Variants in MIA2 observed in about 807,000 individuals in gnomAD.
The protein encoded by MIA2 is MIA SH3 domain ER export factor 2.
Under a neutral mutation model 167.8 loss-of-function variants are expected in MIA2, and 127 were observed. That is an observed-to-expected ratio of 0.76 (90% CI 0.66 to 0.88). MIA2 has a LOEUF of 0.88. MIA2 is among the 40% of genes least tolerant of loss of function. MIA2 has a pLI of 0.00. For synonymous variants in MIA2, 552 were observed against 541.9 expected, an observed-to-expected ratio of 1.02 and a Z score of -0.26; for missense variants, 1,690 against 1,624.7, an observed-to-expected ratio of 1.04 and a Z score of -0.69.
intron 16 of MIA2, among the ~76,000 whole-genome samples, chr14:39,304,080 C>G (rs942370954): frequency 3.9e-5 from 6 of 152,020 alleles, no homozygotes; most frequent in African/African-American, 1.4e-4. Context: ...TTCCCTGTCC[C>G]TTGTTCTGAG....
At chr14:39,255,206 G>A (rs537579870) in intron 6 of MIA2, among the ~76,000 whole-genome samples, 1 of 152,152 alleles carries the variant, frequency 6.6e-6, no homozygotes, top group South Asian at 2.1e-4. Flanking sequence ...ATTATAAAAC[G>A]TTCATTAGGC....
chr14:39,314,459 A>G (rs913478041), intron 19 of MIA2, among the ~76,000 whole-genome samples: 1 of 151,944 alleles, frequency 6.6e-6, no homozygotes, highest in East Asian at 1.9e-4. Context: ...AAAAAAAACA[A>G]CACAATATAC....
chr14:39,367,950 A>T (rs1487115314), intron 23 of MIA2, among the ~76,000 whole-genome samples: 2 of 151,954 alleles, frequency 1.3e-5, no homozygotes, highest in African/African-American at 2.4e-5. Flanking sequence ...ATTATCTTTT[A>T]ATGTTGTTGG....
intron 21 of MIA2, 109 bp downstream of exon 21, chr14:39,315,827 A>T: frequency 1.4e-6 from 1 of 729,382 alleles, no homozygotes; most frequent in Non-Finnish European, 2.2e-6. Flanking sequence ...CTAAAAAATC[A>T]GTTTCTTTTA....
intron 6 of MIA2, among the ~76,000 whole-genome samples, chr14:39,260,058 A>G (rs1594727869): frequency 6.6e-6 from 1 of 152,120 alleles, no homozygotes; most frequent in African/African-American, 2.4e-5. Context: ...TTATGGCTGC[A>G]TAGTATTCCA....
At chr14:39,315,397 G>A (rs565667740) in intron 20 of MIA2, 8 of 281,298 alleles carry the variant, frequency 2.8e-5, no homozygotes, top group African/African-American at 1.8e-4. Context: ...CAACAGTGGG[G>A]TCTCATACTC....
At chr14:39,267,133 G>T in intron 6 of MIA2, 1 of 1,149,594 alleles carries the variant, frequency 8.7e-7, no homozygotes, top group Non-Finnish European at 1.1e-6. Flanking sequence ...GCGCCTCCCC[G>T]CCTTCTCGCG....
intron 21 of MIA2, among the ~76,000 whole-genome samples, chr14:39,317,077 G>A (rs919533691): frequency 6.6e-6 from 1 of 152,186 alleles, no homozygotes; most frequent in African/African-American, 2.4e-5. Context: ...TAAGCAGTTG[G>A]ATATAAAGAT....
chr14:39,283,477 A>G (rs754943561), intron 9 of MIA2, among the ~76,000 whole-genome samples: 2 of 152,200 alleles, frequency 1.3e-5, no homozygotes, highest in Non-Finnish European at 2.9e-5. Context: ...GTTGAAGAAA[A>G]CAATGTTATT....
chr14:39,379,414 T>A (rs2075108510), intron 23 of MIA2, among the ~76,000 whole-genome samples: 1 of 152,212 alleles, frequency 6.6e-6, no homozygotes. Context: ...TAACCTTAAT[T>A]TAAAACCTTA....
chr14:39,291,012 GT>G lies in MIA2; in HGVS notation c.2131-4del. The G allele has an allele frequency of 6.2e-7, 1 of 1,601,510 alleles. No individual in the cohort carries two copies. Among genetic ancestry groups the G allele is most frequent in the Non-Finnish European group, 8.5e-7 (1 of 1,175,324 alleles). ...GAGTTTTTACTTGTGATGTTGCTTT[GT>G]TTCAGTATGAAGGCTATGAAGTAGA... On this transcript the variant is annotated splice_polypyrimidine_tract_variant and splice_region_variant and intron_variant, in intron 9 of 28. Coordinates refer to ENST00000640607, the MANE Select transcript of MIA2 (RefSeq NM_001329214.4).
At chr14:39,234,547 T>TAA (rs1180777363) in intron 1 of MIA2, among the ~76,000 whole-genome samples, 1 of 147,336 alleles carries the variant, frequency 6.8e-6, no homozygotes. Flanking sequence ...GGCTGCCCAT[T>TAA]AAAAAAAAAA....
chr14:39,268,027 A>G (rs984190963), intron 6 of MIA2, among the ~76,000 whole-genome samples: 3 of 149,896 alleles, frequency 2.0e-5, no homozygotes, highest in African/African-American at 7.4e-5. Flanking sequence ...GAGATGCTCT[A>G]CCATGAGTGA....
chr14:39,349,129 G>A (rs1311139193), intron 28 of MIA2, 152 bp downstream of exon 28: 16 of 1,020,906 alleles, frequency 1.6e-5, no homozygotes, highest in Non-Finnish European at 2.1e-5. Flanking sequence ...TTCCGAATTG[G>A]GAAGGCAGCC....
intron 23 of MIA2, among the ~76,000 whole-genome samples, chr14:39,366,957 T>TGCTGAGGGGCAGAGAGTTGCTGCCAGTG (rs1190003403): frequency 6.6e-6 from 1 of 152,204 alleles, no homozygotes; most frequent in African/African-American, 2.4e-5. Flanking sequence ...GCCGCTGTGC[T>TGCTGAGGGGCAGAGAGTTGCTGCCAGTG]GCTGAGGGGC....
At chr14:39,274,613 A>G (rs1232651922) in intron 6 of MIA2, among the ~76,000 whole-genome samples, 1 of 149,482 alleles carries the variant, frequency 6.7e-6, no homozygotes, top group Non-Finnish European at 1.5e-5. Context: ...TTTGGTAGAG[A>G]TGGGGTTTCA....
intron 6 of MIA2, among the ~76,000 whole-genome samples, chr14:39,258,675 T>G (rs1443499092): frequency 6.6e-6 from 1 of 152,234 alleles, no homozygotes; most frequent in Admixed American, 6.5e-5. Context: ...TTCTGGTTTT[T>G]GGAATTTTCA....
At chr14:39,373,541 G>T (rs1299173952) in intron 23 of MIA2, among the ~76,000 whole-genome samples, 1 of 152,232 alleles carries the variant, frequency 6.6e-6, no homozygotes, top group Non-Finnish European at 1.5e-5. Flanking sequence ...AGAAAATAGG[G>T]CTAGGCGTGG....
exon 24 of MIA2, chr14:39,387,219 T>C (rs1278097945): frequency 2.5e-6 from 1 of 398,688 alleles, no homozygotes; most frequent in East Asian, 4.3e-5. Context: ...AAAAGTAAAG[T>C]GAAAACCTCA....
Sources: gnomAD v4.1 joint callset for allele counts (sites outside exome capture counted in the v4.1 genomes callset) on GRCh38, gnomAD v4.1.1 for gene constraint, MANE v1.5 for transcripts, NCBI Gene and HGNC (gene_info 2026-07-23, HGNC 2026-07-21) for gene names.